The following SRBD1 variants were observed in gnomAD, a reference collection of about 807,000 sequenced individuals.
SRBD1 encodes the protein S1 RNA-binding domain-containing protein 1.
In SRBD1, 88 loss-of-function variants were observed where a neutral mutation model predicts 115.3. That is an observed-to-expected ratio of 0.76 (90% CI 0.64 to 0.91). The LOEUF (loss-of-function observed/expected upper bound fraction) is 0.91, where lower values mean the gene tolerates loss of function less well. Among genes scored for constraint, SRBD1 ranks in the 40% least tolerant of loss-of-function variants. SRBD1 has a pLI of 0.00. For missense variants in SRBD1, 1,385 were observed against 1,177.4 expected (o/e 1.18, Z -2.58); for synonymous variants, 509 against 407.7 (o/e 1.25, Z -2.99).
chr2:45,414,836 A>G (rs1225553811), intron 18 of SRBD1, among the ~76,000 whole-genome samples: 1 of 145,516 alleles, frequency 6.9e-6, no homozygotes, highest in Non-Finnish European at 1.5e-5. Flanking sequence ...TATAGTATGT[A>G]CACACACATA....
chr2:45,589,765 T>C (rs951792801), intron 4 of SRBD1, among the ~76,000 whole-genome samples: 2 of 152,228 alleles, frequency 1.3e-5, no homozygotes, highest in East Asian at 3.8e-4. Flanking sequence ...GTTTTCTATA[T>C]TGATTCAGTT....
intron 14 of SRBD1, among the ~76,000 whole-genome samples, chr2:45,529,569 T>C (rs1444384748): frequency 6.6e-6 from 1 of 151,806 alleles, no homozygotes; most frequent in Admixed American, 6.6e-5. Flanking sequence ...AGAAAAAAAA[T>C]CTGATTTCAT....
chr2:45,447,459 A>G (rs202150661), intron 16 of SRBD1: 7,461 of 145,902 alleles, frequency 0.051, 380 homozygotes, highest in East Asian at 0.15. Context: ...AAACAAAAAA[A>G]AAAGAAAAGG....
rs751386364 is a variant in SRBD1 at position 45,419,824 on chromosome 2, C to T, written c.2120G>A (p.Gly707Glu). The change falls in exon 17 of 21, where the codon GGA (glycine) becomes GAA (glutamate). Residue 707 changes from glycine to glutamate, a missense_variant. Gly to Glu is a moderately conservative substitution (Grantham distance 98). Transcript: ENST00000263736. ...TTCTGAACAGATGTTAATATCCACT[C>T]CCACAAAGCTGACACATTCTTCTAC... is the stretch of plus-strand genomic sequence containing the variant. ...SVVEECVSFV[G>E]VDINICSEVL... 2.3e-5 allele frequency: 37 copies of T among 1,613,734 alleles called. No individual in the cohort carries two copies. The highest frequency in any genetic ancestry group is 3.1e-5 in the Non-Finnish European group (36 of 1,179,862).
At chr2:45,401,976 G>T (rs1459819654) in intron 19 of SRBD1, among the ~76,000 whole-genome samples, 2 of 152,330 alleles carry the variant, frequency 1.3e-5, no homozygotes, top group East Asian at 3.9e-4. Context: ...TCAAGGAGCA[G>T]TTCAGAGATG....
chr2:45,430,897 T>G (rs1396508439), intron 16 of SRBD1, among the ~76,000 whole-genome samples: 1 of 152,222 alleles, frequency 6.6e-6, no homozygotes, highest in Non-Finnish European at 1.5e-5. Context: ...TCTATCCATC[T>G]GACAAAGGGC....
At chr2:45,454,005 T>G (rs1476698373) in intron 16 of SRBD1, among the ~76,000 whole-genome samples, 1 of 151,912 alleles carries the variant, frequency 6.6e-6, no homozygotes, top group Non-Finnish European at 1.5e-5. Context: ...ATATACACAG[T>G]CTTTCGAAGC....
chr2:45,409,226 C>T (rs557115295), intron 19 of SRBD1, among the ~76,000 whole-genome samples: 3 of 151,944 alleles, frequency 2.0e-5, no homozygotes, highest in African/African-American at 4.8e-5. Flanking sequence ...TGTCCACATC[C>T]CCTCCGATTG....
At chr2:45,555,807 T>G (rs1454815155) in intron 10 of SRBD1, among the ~76,000 whole-genome samples, 1 of 152,102 alleles carries the variant, frequency 6.6e-6, no homozygotes, top group Non-Finnish European at 1.5e-5. Context: ...AACTCTTTTC[T>G]CTGCTACAAA....
chr2:45,413,055 AT>A, intron 19 of SRBD1, 58 bp downstream of exon 19: 2 of 1,527,284 alleles, frequency 1.3e-6, no homozygotes, highest in Non-Finnish European at 1.8e-6. Context: ...AACAAAGGCC[AT>A]TTGCTGTAAA....
At chr2:45,468,508 C>G (rs1669558255) in intron 16 of SRBD1, among the ~76,000 whole-genome samples, 1 of 151,996 alleles carries the variant, frequency 6.6e-6, no homozygotes, top group African/African-American at 2.4e-5. Context: ...TCACCTCAGC[C>G]TCCCCAGTAG....
Position 45,414,805 on chromosome 2 carries a change from T to C in SRBD1, c.2334-1512A>G, listed in dbSNP as rs866447698. ...ACACACATAGTGTGTATATAGTATGTACACACACATATAGTGTGTATATAG... is the reference window on the plus strand; with the variant it reads ...ACACACATAGTGTGTATATAGTATGCACACACACATATAGTGTGTATATAG... On this transcript the variant is annotated intron_variant, in intron 18 of 20. Transcript: ENST00000263736. 6.3e-4 allele frequency among the ~76,000 whole-genome samples: 86 copies of C among 136,116 alleles called. 2 individuals are homozygous for C. Among genetic ancestry groups the C allele is most frequent in the African/African-American group, 2.6e-3 (84 of 32,876 alleles). The allele number at this position is 136,116 out of a possible 152,430, so 89.3% of individuals were successfully genotyped here.
chr2:45,543,110 C>A (rs907559313), intron 14 of SRBD1, among the ~76,000 whole-genome samples: 1 of 152,188 alleles, frequency 6.6e-6, no homozygotes, highest in African/African-American at 2.4e-5. Context: ...GAATTTTTCA[C>A]GAACATTTTC....
chr2:45,409,628 T>G (rs1667539864), intron 19 of SRBD1, among the ~76,000 whole-genome samples: 1 of 151,916 alleles, frequency 6.6e-6, no homozygotes, highest in Non-Finnish European at 1.5e-5. Flanking sequence ...TAGGAGAACT[T>G]AAGGAACGTA....
At chr2:45,439,798 A>G (rs938063137) in intron 16 of SRBD1, among the ~76,000 whole-genome samples, 1 of 152,078 alleles carries the variant, frequency 6.6e-6, no homozygotes, top group Admixed American at 6.6e-5. Flanking sequence ...TACCGAAAAA[A>G]AAAAAGAACC....
intron 16 of SRBD1, among the ~76,000 whole-genome samples, chr2:45,433,572 T>A (rs1572635657): frequency 6.6e-6 from 1 of 152,210 alleles, no homozygotes; most frequent in East Asian, 1.9e-4. Flanking sequence ...GTGTGCTGAA[T>A]GACCCATGAC....
chr2:45,546,177 G>A (rs1412273490), intron 14 of SRBD1: 1 of 985,252 alleles, frequency 1.0e-6, no homozygotes, highest in Admixed American at 6.1e-5. Context: ...ACAAATGCAG[G>A]GGCAAGACTA....
chr2:45,458,508 T>A (rs1228710003), intron 16 of SRBD1, among the ~76,000 whole-genome samples: 3 of 152,154 alleles, frequency 2.0e-5, no homozygotes, highest in African/African-American at 7.2e-5. Flanking sequence ...TGAAACATCA[T>A]CTTGGACCCT....
At chr2:45,518,438 C>A (rs1671184654) in intron 14 of SRBD1, among the ~76,000 whole-genome samples, 1 of 152,138 alleles carries the variant, frequency 6.6e-6, no homozygotes, top group Non-Finnish European at 1.5e-5. Flanking sequence ...CCAAACTAGG[C>A]TGGCAGCATT....
Sources: gnomAD v4.1 joint callset for allele counts (sites outside exome capture counted in the v4.1 genomes callset) on GRCh38, gnomAD v4.1.1 for gene constraint, MANE v1.5 for transcripts, NCBI Gene and HGNC (gene_info 2026-07-23, HGNC 2026-07-21) for gene names.